The following TTC27 variants were observed in gnomAD, a reference collection of about 807,000 sequenced individuals.
TTC27 encodes the protein tetratricopeptide repeat domain 27.
A neutral mutation model predicts 115.9 loss-of-function variants in TTC27; 79 were observed. That is an observed-to-expected ratio of 0.68 (90% CI 0.57 to 0.82). The LOEUF is 0.82. TTC27 is among the 40% of genes least tolerant of loss of function. The pLI, the probability that TTC27 is intolerant of heterozygous loss-of-function variation, is 0.00. For missense variants in TTC27, 1,054 were observed against 993.1 expected, an observed-to-expected ratio of 1.06 and a Z score of -0.82; for synonymous variants, 401 against 356.0, an observed-to-expected ratio of 1.13 and a Z score of -1.42.
chr2:32,756,605 T>C (rs1404519082), intron 12 of TTC27, among the ~76,000 whole-genome samples: 9 of 152,308 alleles, frequency 5.9e-5, no homozygotes, highest in African/African-American at 1.9e-4. Flanking sequence ...TTAAAAGAGT[T>C]CACAAAAATT....
At chr2:32,786,098 G>A (rs1670338859) in intron 15 of TTC27, among the ~76,000 whole-genome samples, 1 of 149,708 alleles carries the variant, frequency 6.7e-6, no homozygotes, top group African/African-American at 2.5e-5. Flanking sequence ...AAAACTTTTT[G>A]TCACTCCTCC....
intron 16 of TTC27, among the ~76,000 whole-genome samples, chr2:32,801,658 T>C (rs1443139234): frequency 6.6e-6 from 1 of 152,164 alleles, no homozygotes; most frequent in Non-Finnish European, 1.5e-5. Flanking sequence ...AGCAGTAGCA[T>C]TGAGAACAGC....
chr2:32,652,602 G>A (rs549258282), intron 5 of TTC27, among the ~76,000 whole-genome samples: 2 of 152,016 alleles, frequency 1.3e-5, no homozygotes, highest in Non-Finnish European at 2.9e-5. Flanking sequence ...AATTTTTTAT[G>A]TTGCTGTTCT....
rs1418398398 is a variant in TTC27, at chr2:32,699,681, G to A, written c.1120-3126G>A. On this transcript the variant is annotated intron_variant, in intron 9 of 19. Transcript: ENST00000317907. ...ATAAAATATATTGAATATAGCCTAT[G>A]TGCAATTGCTCCCTTTCAGAAAGAC... 2.0e-5 allele frequency among the ~76,000 whole-genome samples: 3 copies of A among 152,096 alleles called. No individual in the cohort carries two copies. The South Asian group carries it at 6.2e-4, about 32-fold the overall frequency.
intron 12 of TTC27, among the ~76,000 whole-genome samples, chr2:32,747,559 G>T (rs2167433): frequency 0.66 from 100,979 of 152,012 alleles, 34,134 homozygotes; most frequent in East Asian, 0.75. Flanking sequence ...GTATTGCTAT[G>T]GTACCATTGT....
chr2:32,755,177 G>C (rs1386348902), intron 12 of TTC27, among the ~76,000 whole-genome samples: 2 of 152,118 alleles, frequency 1.3e-5, no homozygotes, highest in African/African-American at 2.4e-5. Flanking sequence ...TTCCCAGACG[G>C]GGTGGCGGCC....
chr2:32,664,047 T>C (rs899098356), intron 5 of TTC27, among the ~76,000 whole-genome samples: 2 of 151,932 alleles, frequency 1.3e-5, no homozygotes, highest in African/African-American at 4.8e-5. Flanking sequence ...AGGTTATGAA[T>C]CATATCTCCC....
rs185896863 is a variant in TTC27, at chr2:32,722,667, G to A, written c.1234-11161G>A. ...ATGAGAACTGGCTTACAAAGGAAAC[G>A]TGATATCAGTAGAAGACTGGCATCA... On this transcript the variant is annotated intron_variant, in intron 10 of 19. Transcript: ENST00000317907. Among the ~76,000 whole-genome samples, 285 of 152,310 alleles carry A rather than the reference G, an allele frequency of 1.9e-3. 2 individuals carry two copies. Among genetic ancestry groups the A allele is most frequent in the African/African-American group, 6.1e-3 (253 of 41,570 alleles).
intron 12 of TTC27, among the ~76,000 whole-genome samples, chr2:32,746,558 C>CA: frequency 1.7e-3 from 1 of 580 alleles, no homozygotes; most frequent in East Asian, 0.083. Context: ...AGTGAAACTC[C>CA]ATCTCAAAAA....
At chr2:32,812,646 A>G in intron 18 of TTC27, 31 bp downstream of exon 18, 1 of 1,526,572 alleles carries the variant, frequency 6.6e-7, no homozygotes, top group Non-Finnish European at 9.1e-7. Flanking sequence ...TATCCATGGA[A>G]TGTTTTGACT....
At chr2:32,760,938 G>A (rs756111156) in intron 13 of TTC27, among the ~76,000 whole-genome samples, 8 of 152,160 alleles carry the variant, frequency 5.3e-5, no homozygotes, top group Non-Finnish European at 1.2e-4. Context: ...CTTAGTCCTT[G>A]GACCTTGTCT....
chr2:32,798,102 T>A (rs1464542820), intron 16 of TTC27, among the ~76,000 whole-genome samples: 8 of 146,398 alleles, frequency 5.5e-5, no homozygotes, highest in East Asian at 2.0e-4. Context: ...GAAAAAAAAT[T>A]AAAAAAAAAA....
chr2:32,774,960 C>G (rs1042955883), intron 13 of TTC27, among the ~76,000 whole-genome samples: 1 of 152,054 alleles, frequency 6.6e-6, no homozygotes, highest in African/African-American at 2.4e-5. Context: ...AACCATAATA[C>G]TTAATGTTAA....
In TTC27 at chr2:32,676,753, T is replaced by C. The variant is rs4952266; in HGVS notation, c.1053-2103T>C. On this transcript the variant is annotated intron_variant, in intron 8 of 19. Transcript: ENST00000317907. ...ATCCACCTGCCTTGGCCTCCATAAGTGCTGGCATTATACGCATTAGCCACT... is the reference window on the plus strand; with the variant it reads ...ATCCACCTGCCTTGGCCTCCATAAGCGCTGGCATTATACGCATTAGCCACT... Among the ~76,000 whole-genome samples the C allele has an allele frequency of 5.0e-3, 762 of 152,180 alleles. 12 individuals carry two copies. Among genetic ancestry groups the C allele is most frequent in the Admixed American group, 0.029 (449 of 15,288 alleles).
chr2:32,735,296 A>C (rs1303782715), intron 11 of TTC27, among the ~76,000 whole-genome samples: 1 of 152,094 alleles, frequency 6.6e-6, no homozygotes, highest in Non-Finnish European at 1.5e-5. Flanking sequence ...AACAGCTGGA[A>C]TTTTTTAGTG....
intron 5 of TTC27, among the ~76,000 whole-genome samples, chr2:32,662,687 C>G (rs979413454): frequency 1.3e-5 from 2 of 152,086 alleles, no homozygotes; most frequent in Non-Finnish European, 2.9e-5. Context: ...GGCTAGCGGT[C>G]TATCTACTTT....
chr2:32,661,022 G>C (rs997162292), intron 5 of TTC27, among the ~76,000 whole-genome samples: 3 of 152,124 alleles, frequency 2.0e-5, no homozygotes, highest in Non-Finnish European at 4.4e-5. Context: ...TTATTAAATA[G>C]GGAATCCTTT....
chr2:32,667,641 C>T (rs1266332905), intron 7 of TTC27, among the ~76,000 whole-genome samples: 4 of 151,390 alleles, frequency 2.6e-5, no homozygotes, highest in Admixed American at 1.3e-4. Flanking sequence ...GTCTCGAACT[C>T]GCAACCTCAG....
rs186619209 is a variant in TTC27, at chr2:32,686,419, G to A, written c.1119+7497G>A. The stretch of plus-strand genomic sequence containing the variant: ...CTTACTCTGTTACCCAGGCTGGAGC[G>A]CAAAGGCACGATCTTAGCTTACGTC... On this transcript the variant is annotated intron_variant, in intron 9 of 19. Coordinates refer to ENST00000317907, the MANE Select transcript of TTC27 (RefSeq NM_017735.5). Among the ~76,000 whole-genome samples the A allele has an allele frequency of 1.2e-3, 189 of 152,140 alleles. 1 individual carries two copies. Among genetic ancestry groups the A allele is most frequent in the African/African-American group, 4.4e-3 (181 of 41,502 alleles).
Sources: gnomAD v4.1 joint callset for allele counts (sites outside exome capture counted in the v4.1 genomes callset) on GRCh38, gnomAD v4.1.1 for gene constraint, MANE v1.5 for transcripts, NCBI Gene and HGNC (gene_info 2026-07-23, HGNC 2026-07-21) for gene names.